The following COL28A1 variants were observed in gnomAD, a reference collection of about 807,000 sequenced individuals.
The protein encoded by COL28A1 is collagen type XXVIII alpha 1 chain.
A neutral mutation model predicts 150.2 loss-of-function variants in COL28A1; 161 were observed. That is an observed-to-expected ratio of 1.07 (90% CI 0.94 to 1.22). The LOEUF (loss-of-function observed/expected upper bound fraction) is 1.22. COL28A1 is among the 50% of genes most tolerant of loss of function. COL28A1 has a pLI of 0.00. For synonymous variants in COL28A1, 552 were observed against 469.7 expected (o/e 1.18, Z -2.26); for missense variants, 1,617 against 1,388.3 (o/e 1.16, Z -2.62).
the COL28A1 span, among the ~76,000 whole-genome samples, chr7:7,338,997 CA>C: frequency 6.6e-6 from 1 of 152,062 alleles, no homozygotes; most frequent in African/African-American, 2.4e-5. Context: ...ATAAAAAAAT[CA>C]ACTTCCAAAA....
intron 27 of COL28A1, among the ~76,000 whole-genome samples, chr7:7,382,286 G>C (rs1260795146): frequency 2.0e-5 from 3 of 151,666 alleles, no homozygotes; most frequent in African/African-American, 7.3e-5. Context: ...CTCCAGCCTG[G>C]GCAACAAGAA....
chr7:7,437,472 A>T lies in COL28A1; in HGVS notation c.1723-10T>A, dbSNP rs1213563092. ...TAATGCCCGGTTCACCCTTAAAAAG[A>T]GCAAAATGCTCACTACATTTCAAGC... is the stretch of plus-strand genomic sequence containing the variant. On this transcript the variant is annotated splice_polypyrimidine_tract_variant and intron_variant, in intron 21 of 34. Transcript: ENST00000399429. The T allele has an allele frequency of 2.4e-5, 38 of 1,611,730 alleles. No homozygotes were observed. The highest frequency in any genetic ancestry group is 3.1e-5 in the Non-Finnish European group (37 of 1,179,364).
chr7:7,377,807 C>CAAAA lies in COL28A1; in HGVS notation c.2323-2314_2323-2311dup, dbSNP rs35530896. On this transcript the variant is annotated intron_variant, in intron 30 of 34. Coordinates refer to ENST00000399429, the MANE Select transcript of COL28A1 (RefSeq NM_001037763.3). ...GTTTGAGGTTCCTCAATAATTCACG[C>CAAAA]AAAAAAAAAAAAAAAACCAGACATC... Among the ~76,000 whole-genome samples, 12 of 126,302 alleles carry CAAAA rather than the reference C, an allele frequency of 9.5e-5. 2 individuals are homozygous for CAAAA. In the South Asian group the frequency reaches 1.1e-3, roughly 12 times the overall value. 82.9% of individuals were successfully genotyped at this position (126,302 alleles called of 152,430 possible). A position where few individuals can be genotyped will look rare whatever the true frequency, so the allele number is the denominator to read the frequency against.
chr7:7,499,243 C>T (rs189293921), intron 11 of COL28A1, among the ~76,000 whole-genome samples: 79 of 152,160 alleles, frequency 5.2e-4, no homozygotes, highest in African/African-American at 1.8e-3. Flanking sequence ...CATCGTTTGG[C>T]GGCTTGGCTA....
In COL28A1 at chr7:7,373,258, G is replaced by A; in HGVS notation, c.2648C>T (p.Ala883Val). The change falls in exon 32 of 35, where the codon GCA (alanine) becomes GTA (valine). Residue 883 changes from alanine (A) to valine (V), a missense_variant. Transcript: ENST00000399429. This position sits in a 1 kb window ranked among gnomAD's most constrained non-coding sequence, Gnocchi z 4.1. ...TGCATCTTCAAACATGTCGTTGGCT[G>A]CTTGCAGAGCAGTGGCTGTGTATGT... ...EGTYTATALQAANDMFEDARP... is the reference protein window; with the variant it reads ...EGTYTATALQVANDMFEDARP... The A allele has an allele frequency of 1.2e-6, 2 of 1,614,184 alleles. No individual in the cohort carries two copies. Among genetic ancestry groups the A allele is most frequent in the Non-Finnish European group, 8.5e-7 (1 of 1,180,038 alleles).
At chr7:7,450,190 A>G (rs1055199929) in intron 18 of COL28A1, among the ~76,000 whole-genome samples, 3 of 152,180 alleles carry the variant, frequency 2.0e-5, no homozygotes, top group Non-Finnish European at 4.4e-5. Flanking sequence ...ACTATTCAAC[A>G]ACTGATTCTG....
At chr7:7,430,576 T>C (rs896665047) in intron 25 of COL28A1, among the ~76,000 whole-genome samples, 5 of 152,212 alleles carry the variant, frequency 3.3e-5, no homozygotes, top group African/African-American at 1.2e-4. Flanking sequence ...AAAATGTAAA[T>C]GATCATCTGT....
intron 27 of COL28A1, among the ~76,000 whole-genome samples, chr7:7,400,919 A>AT (rs1301438435): frequency 2.0e-4 from 29 of 143,908 alleles, no homozygotes; most frequent in Non-Finnish European, 3.3e-4. Context: ...AAGACTTTCC[A>AT]TTTTTTTTAT....
intron 21 of COL28A1, among the ~76,000 whole-genome samples, chr7:7,438,208 C>A (rs1785487902): frequency 6.6e-6 from 1 of 152,104 alleles, no homozygotes; most frequent in Non-Finnish European, 1.5e-5. Flanking sequence ...GCTGAGATCG[C>A]ATCACTGCAC....
At chr7:7,346,298 A>C in the COL28A1 span, among the ~76,000 whole-genome samples, 1 of 151,990 alleles carries the variant, frequency 6.6e-6, no homozygotes, top group Non-Finnish European at 1.5e-5. Flanking sequence ...TGTTTTCAGC[A>C]TAAGGATTTG....
At chr7:7,542,681 C>G in the COL28A1 span, among the ~76,000 whole-genome samples, 1 of 152,140 alleles carries the variant, frequency 6.6e-6, no homozygotes, top group Non-Finnish European at 1.5e-5. Flanking sequence ...TTGAAAGCAA[C>G]GGGAGCCACT....
chr7:7,526,634 CTT>C (rs554173744), intron 3 of COL28A1, among the ~76,000 whole-genome samples: 1 of 150,100 alleles, frequency 6.7e-6, no homozygotes, highest in African/African-American at 2.4e-5. Context: ...TGAGCAATAT[CTT>C]TTTTTTTTCT....
intron 2 of COL28A1, 123 bp from the exon 3 acceptor site, chr7:7,532,027 AAGAG>A: frequency 1.7e-6 from 1 of 602,528 alleles, no homozygotes; most frequent in Admixed American, 3.1e-5. Flanking sequence ...TGAGGAGAGA[AAGAG>A]AGACACGTTG....
chr7:7,522,220 A>C (rs1781766530), intron 4 of COL28A1: 1 of 484,818 alleles, frequency 2.1e-6, no homozygotes, highest in South Asian at 2.1e-5. Context: ...AAATATTATT[A>C]AATTTCAGCA....
chr7:7,505,543 C>T (rs929474957), intron 11 of COL28A1, among the ~76,000 whole-genome samples: 8 of 152,114 alleles, frequency 5.3e-5, no homozygotes, highest in Admixed American at 1.3e-4. Context: ...TGGACTGATA[C>T]TACAAGCATG....
intron 11 of COL28A1, among the ~76,000 whole-genome samples, chr7:7,494,577 T>C (rs897943456): frequency 1.4e-4 from 22 of 152,218 alleles, no homozygotes; most frequent in African/African-American, 3.6e-4. Flanking sequence ...TTAATATGTA[T>C]AGATTTAATT....
intron 1 of COL28A1, 99 bp downstream of exon 1, chr7:7,535,651 C>G (rs1318383746): frequency 6.6e-6 from 1 of 151,922 alleles, no homozygotes; most frequent in African/African-American, 2.4e-5. Context: ...GACAAGCTTT[C>G]TCACCTAATA....
intron 11 of COL28A1, among the ~76,000 whole-genome samples, chr7:7,499,653 T>G (rs963223117): frequency 2.6e-5 from 4 of 152,160 alleles, no homozygotes; most frequent in South Asian, 2.1e-4. Context: ...ATTGTTAGGT[T>G]TTTGACTTAT....
intron 31 of COL28A1, among the ~76,000 whole-genome samples, chr7:7,374,177 C>G (rs971433455): frequency 6.6e-6 from 1 of 151,790 alleles, no homozygotes; most frequent in Non-Finnish European, 1.5e-5. Flanking sequence ...GTCCCAATAA[C>G]ATTCCTCTTC....
Sources: allele counts gnomAD v4.1 joint callset (sites outside exome capture counted in the v4.1 genomes callset), GRCh38; gene constraint gnomAD v4.1.1; non-coding constraint Gnocchi (gnomAD v3.1); transcripts MANE v1.5; gene names NCBI Gene and HGNC (gene_info 2026-07-23, HGNC 2026-07-21).